Variants in SRBD1 observed in about 807,000 individuals in gnomAD.
SRBD1 encodes S1 RNA binding domain 1.
SRBD1 carries 88 observed loss-of-function variants against 115.3 expected under a neutral mutation model. That is an observed-to-expected ratio of 0.76 (90% CI 0.64 to 0.91). The LOEUF is 0.91. SRBD1 is among the 40% of genes least tolerant of loss of function. The probability of loss-of-function intolerance (pLI) is 0.00; values close to 1 mark genes in which losing one functional copy is unlikely to be tolerated. For synonymous variants in SRBD1, 509 were observed against 407.7 expected (o/e 1.25, Z -2.99); for missense variants, 1,385 against 1,177.4 (o/e 1.18, Z -2.58).
chr2:45,485,462 G>C (rs1670089359), intron 15 of SRBD1, among the ~76,000 whole-genome samples: 1 of 152,066 alleles, frequency 6.6e-6, no homozygotes, highest in African/African-American at 2.4e-5. Flanking sequence ...ATCAATTTCA[G>C]AAGGAGAGAA....
At chr2:45,468,182 T>A (rs529336562) in intron 16 of SRBD1, among the ~76,000 whole-genome samples, 1 of 152,250 alleles carries the variant, frequency 6.6e-6, no homozygotes, top group Admixed American at 6.5e-5. Context: ...ATCAGCCCTA[T>A]AATACTGTAC....
At chr2:45,604,097 C>T (rs1674186840) in intron 2 of SRBD1, among the ~76,000 whole-genome samples, 1 of 152,136 alleles carries the variant, frequency 6.6e-6, no homozygotes, top group South Asian at 2.1e-4. Flanking sequence ...TTTCTCATCA[C>T]TTTCACATCT....
intron 16 of SRBD1, among the ~76,000 whole-genome samples, chr2:45,455,801 T>C (rs959028673): frequency 6.6e-6 from 1 of 151,844 alleles, no homozygotes; most frequent in African/African-American, 2.4e-5. Flanking sequence ...TGTGTTCTAG[T>C]AGTACTTTTA....
intron 18 of SRBD1, among the ~76,000 whole-genome samples, chr2:45,416,424 T>C (rs1332298419): frequency 6.6e-6 from 1 of 151,972 alleles, no homozygotes; most frequent in Non-Finnish European, 1.5e-5. Context: ...GCTGGAAAAG[T>C]ACAAGGCTTT....
At chr2:45,585,503 G>T in intron 5 of SRBD1, 105 bp downstream of exon 5, 1 of 1,268,786 alleles carries the variant, frequency 7.9e-7, no homozygotes, top group South Asian at 1.4e-5. Flanking sequence ...ATAATTCAAG[G>T]AAACAAAATG....
intron 16 of SRBD1, among the ~76,000 whole-genome samples, chr2:45,428,019 C>T (rs1668210614): frequency 6.6e-6 from 1 of 152,200 alleles, no homozygotes; most frequent in Non-Finnish European, 1.5e-5. Flanking sequence ...ATCTACAGAA[C>T]TCTCCACTAC....
chr2:45,566,784 G>C (rs1672843361), intron 9 of SRBD1, among the ~76,000 whole-genome samples: 1 of 152,044 alleles, frequency 6.6e-6, no homozygotes, highest in East Asian at 1.9e-4. Flanking sequence ...ATTTAATCAA[G>C]TTAACAGCCT....
intron 14 of SRBD1, among the ~76,000 whole-genome samples, chr2:45,504,137 A>G (rs1368370802): frequency 6.6e-6 from 1 of 152,126 alleles, no homozygotes; most frequent in Non-Finnish European, 1.5e-5. Context: ...CTCAAGATGG[A>G]TTTTACATAT....
At chr2:45,439,192 C>G (rs758174545) in intron 16 of SRBD1, among the ~76,000 whole-genome samples, 1 of 151,694 alleles carries the variant, frequency 6.6e-6, no homozygotes, top group Non-Finnish European at 1.5e-5. Flanking sequence ...GATCTCATTG[C>G]CAGCAGACCT....
intron 14 of SRBD1, among the ~76,000 whole-genome samples, chr2:45,507,285 T>C (rs1177312045): frequency 6.6e-6 from 1 of 152,030 alleles, no homozygotes; most frequent in Non-Finnish European, 1.5e-5. Flanking sequence ...TTTTTTTCAA[T>C]CCACAGAAAA....
chr2:45,394,986 C>T (rs866318868), intron 19 of SRBD1, among the ~76,000 whole-genome samples: 3 of 152,148 alleles, frequency 2.0e-5, no homozygotes, highest in Non-Finnish European at 4.4e-5. Context: ...TGCTGATGGA[C>T]GAACAGTAGC....
At chr2:45,435,672 A>C (rs1668474243) in intron 16 of SRBD1, among the ~76,000 whole-genome samples, 1 of 152,090 alleles carries the variant, frequency 6.6e-6, no homozygotes, top group African/African-American at 2.4e-5. Context: ...ATCATACTGA[A>C]GAGACCTCGT....
chr2:45,458,434 T>C (rs1169738018), intron 16 of SRBD1, among the ~76,000 whole-genome samples: 2 of 152,134 alleles, frequency 1.3e-5, no homozygotes, highest in African/African-American at 4.8e-5. Context: ...TGGCCTAAAT[T>C]AAGTCTCTTT....
chr2:45,421,620 A>ACAACAATG (rs1303885577), intron 16 of SRBD1, among the ~76,000 whole-genome samples: 1 of 151,552 alleles, frequency 6.6e-6, no homozygotes, highest in African/African-American at 2.4e-5. Flanking sequence ...AAGCTAGGTT[A>ACAACAATG]CAACAATGAA....
At chr2:45,439,350 T>C (rs2103702166) in intron 16 of SRBD1, among the ~76,000 whole-genome samples, 1 of 140,478 alleles carries the variant, frequency 7.1e-6, no homozygotes, top group South Asian at 2.2e-4. Flanking sequence ...TAAAACATGG[T>C]ATTCTAGGAC....
At chr2:45,583,146 G>C (rs941954760) in intron 5 of SRBD1, among the ~76,000 whole-genome samples, 1 of 151,422 alleles carries the variant, frequency 6.6e-6, no homozygotes, top group Non-Finnish European at 1.5e-5. Context: ...ATGGGCAAAA[G>C]TTAGAGATGA....
At chr2:45,407,350 C>T (rs1667466833) in intron 19 of SRBD1, among the ~76,000 whole-genome samples, 1 of 152,132 alleles carries the variant, frequency 6.6e-6, no homozygotes, top group African/African-American at 2.4e-5. Flanking sequence ...TTTTTAAAAA[C>T]CTACCCTAAA....
chr2:45,436,004 C>A (rs1668486956), intron 16 of SRBD1, among the ~76,000 whole-genome samples: 2 of 151,948 alleles, frequency 1.3e-5, no homozygotes, highest in South Asian at 2.1e-4. Context: ...TGCAAAAATT[C>A]TCAAAAAAGC....
At chr2:45,559,564 G>A (rs561161004) in intron 10 of SRBD1, among the ~76,000 whole-genome samples, 89 of 152,082 alleles carry the variant, frequency 5.9e-4, no homozygotes, top group Non-Finnish European at 1.1e-3. Context: ...ATTTACAGGG[G>A]AATCTCCAAA....
Sources: gnomAD v4.1 joint callset for allele counts (sites outside exome capture counted in the v4.1 genomes callset) on GRCh38, gnomAD v4.1.1 for gene constraint, MANE v1.5 for transcripts, NCBI Gene and HGNC (gene_info 2026-07-23, HGNC 2026-07-21) for gene names.